The following HEATR1 variants were observed in gnomAD, a reference collection of about 807,000 sequenced individuals.
HEATR1 encodes the protein HEAT repeat containing 1, also known as HEAT repeat-containing protein 1.
HEATR1 carries 77 observed loss-of-function variants against 248.2 expected under a neutral mutation model. That is an observed-to-expected ratio of 0.31 (90% CI 0.26 to 0.37). The LOEUF (loss-of-function observed/expected upper bound fraction) is 0.37, where lower values mean the gene tolerates loss of function less well. HEATR1 is among the 10% of genes least tolerant of loss of function. The pLI is 1.00. For missense variants in HEATR1, 2,420 were observed against 2,504.9 expected (o/e 0.97, Z 0.72); for synonymous variants, 897 against 923.1 (o/e 0.97, Z 0.51).
rs778977647 is a variant in HEATR1, at chr1:236,550,993, A to T, written c.6347-3T>A. Reference sequence around the variant, plus strand: ...ATGTTCTACTTCTTCACATTCATCTAAAAAAAAAAAAAAAAAATCAAAATT... The same window carrying T: ...ATGTTCTACTTCTTCACATTCATCTTAAAAAAAAAAAAAAAAATCAAAATT... On this transcript the variant is annotated splice_region_variant and splice_polypyrimidine_tract_variant and intron_variant, in intron 44 of 44. Coordinates refer to ENST00000366582, the MANE Select transcript of HEATR1 (RefSeq NM_018072.6). 2.3e-4 allele frequency: 141 copies of T among 623,740 alleles called. No homozygotes were observed. Among genetic ancestry groups the T allele is most frequent in the African/African-American group, 6.6e-4 (8 of 12,120 alleles). The allele number at this position is 623,740 out of a possible 1,614,324, so 38.6% of individuals were successfully genotyped here.
intron 8 of HEATR1, 130 bp downstream of exon 8, chr1:236,595,410 T>C (rs376849656): frequency 1.8e-4 from 127 of 708,392 alleles, no homozygotes; most frequent in Middle Eastern, 2.9e-4. Flanking sequence ...ACTTAAGAAA[T>C]AGACAAGTTA....
chr1:236,583,258 A>T, intron 17 of HEATR1, 62 bp from the exon 18 acceptor site: 1 of 1,398,238 alleles, frequency 7.2e-7, no homozygotes, highest in East Asian at 2.3e-5. Flanking sequence ...GGGTTATATG[A>T]ATTCCTCTGC....
rs1465279651 is a variant in HEATR1 at position 236,583,154 on chromosome 1, CTCTG to C, written c.2280_2283del (p.Asp760GlufsTer12). 1.2e-6 allele frequency: 2 copies of C among 1,613,238 alleles called. No individual in the cohort carries two copies. Among genetic ancestry groups the C allele is most frequent in the Non-Finnish European group, 1.7e-6 (2 of 1,179,736 alleles). On this transcript the variant is annotated frameshift_variant, in exon 18 of 45. Coordinates refer to ENST00000366582, the MANE Select transcript of HEATR1 (RefSeq NM_018072.6). LOFTEE classifies it high-confidence loss of function. ...TGTGCCCACAGCTCCACTGGGATCCCTCTGTCTAACATCAGTTCAATGTGCCATT... is the reference window on the plus strand; with the variant it reads ...TGTGCCCACAGCTCCACTGGGATCCCTCTAACATCAGTTCAATGTGCCATT...
intron 12 of HEATR1, 71 bp from the exon 13 acceptor site, chr1:236,588,114 A>T: frequency 1.7e-6 from 2 of 1,192,648 alleles, no homozygotes; most frequent in Non-Finnish European, 2.4e-6. Flanking sequence ...CTAGAAAGGA[A>T]GTATGGTTTT....
intron 18 of HEATR1, 70 bp from the exon 19 acceptor site, chr1:236,582,942 C>CA (rs1444919023): frequency 6.2e-7 from 1 of 1,604,582 alleles, no homozygotes; most frequent in Non-Finnish European, 8.5e-7. Flanking sequence ...TTATTCAAGA[C>CA]AGTCATTGTG....
Position 236,566,740 on chromosome 1 carries a change from G to A in HEATR1, c.4214C>T (p.Thr1405Ile), listed in dbSNP as rs1178856982. The change falls in exon 30 of 45, where the codon ACA (threonine) becomes ATA (isoleucine). Residue 1405 changes from threonine to isoleucine, a missense_variant. Physicochemically the swap from Thr to Ile is moderately conservative, Grantham distance 89 (BLOSUM62 -1). Transcript: ENST00000366582. Reference protein sequence around the residue: ...RLPILVQLVDTLGAEKFLWIL... With the variant: ...RLPILVQLVDILGAEKFLWIL... ...CCAGAGGAATTTCTCTGCACCCAGT[G>A]TATCAACAAGTTGAACAAGGATGGG... is the stretch of plus-strand genomic sequence containing the variant. 1.9e-6 allele frequency: 3 copies of A among 1,614,126 alleles called. No homozygotes were observed. The highest frequency in any genetic ancestry group is 3.3e-5 in the Admixed American group (2 of 60,020).
chr1:236,580,328 T>G lies in HEATR1; in HGVS notation c.2755+894A>C, dbSNP rs544860692. Among the ~76,000 whole-genome samples the G allele has an allele frequency of 5.9e-5, 9 of 152,308 alleles. No homozygotes were observed. In the East Asian group the frequency reaches 1.3e-3, roughly 23 times the overall value. On this transcript the variant is annotated intron_variant, in intron 20 of 44. Transcript: ENST00000366582. ...TTGTTAGCTCATTATTAAATTGTAT[T>G]ATGATGATCTGACTTCCATATCTAA... is the stretch of plus-strand genomic sequence containing the variant.
At chr1:236,563,668 A>T (rs1663196000) in intron 32 of HEATR1, among the ~76,000 whole-genome samples, 1 of 152,228 alleles carries the variant, frequency 6.6e-6, no homozygotes, top group South Asian at 2.1e-4. Context: ...AACGCATTAT[A>T]GGACCTAATG....
chr1:236,596,101 T>C (rs950488851), intron 6 of HEATR1, 57 bp from the exon 7 acceptor site: 13 of 1,262,190 alleles, frequency 1.0e-5, no homozygotes, highest in African/African-American at 7.5e-5. Context: ...TCTGCTACTT[T>C]AAATGTTAAT....
chr1:236,582,125 G>A (rs569927556), intron 19 of HEATR1, among the ~76,000 whole-genome samples: 7 of 151,920 alleles, frequency 4.6e-5, no homozygotes, highest in Non-Finnish European at 1.0e-4. Flanking sequence ...TTTTTTTTGA[G>A]ATGGAGTCTC....
chr1:236,590,230 A>C (rs1401645968), intron 12 of HEATR1, among the ~76,000 whole-genome samples: 3 of 150,010 alleles, frequency 2.0e-5, no homozygotes, highest in African/African-American at 5.1e-5. Flanking sequence ...TCAAAATCAA[A>C]TTTCTCGGTT....
chr1:236,553,833 CATG>C, intron 42 of HEATR1, 94 bp from the exon 43 acceptor site: 2 of 1,341,826 alleles, frequency 1.5e-6, no homozygotes, highest in African/African-American at 1.5e-5. Context: ...TACTATCTTT[CATG>C]ATATTAGCAG....
intron 32 of HEATR1, among the ~76,000 whole-genome samples, chr1:236,562,631 T>G (rs551578500): frequency 9.2e-5 from 14 of 152,336 alleles, no homozygotes; most frequent in African/African-American, 3.1e-4. Context: ...CCCTTACAGT[T>G]TGGTATCAAT....
Position 236,604,142 on chromosome 1 carries a change from G to A in HEATR1, c.-32-15C>T. On this transcript the variant is annotated splice_polypyrimidine_tract_variant and intron_variant, in intron 1 of 44. Transcript: ENST00000366582. ...AATGACACGGGCTAAAAAAACGTAA[G>A]CACTTTGATAAGTTTCTACGAAATT... The A allele has an allele frequency of 6.6e-7, 1 of 1,525,000 alleles. No homozygotes were observed. Among genetic ancestry groups the A allele is most frequent in the Non-Finnish European group, 8.7e-7 (1 of 1,144,176 alleles). 94.5% of individuals were successfully genotyped at this position (1,525,000 alleles called of 1,614,324 possible). A position where few individuals can be genotyped will look rare whatever the true frequency, so the allele number is the denominator to read the frequency against.
In HEATR1 at chr1:236,596,036, T is replaced by C. The variant is rs777871163; in HGVS notation, c.753A>G (p.Lys251=). 15 of 1,597,942 alleles carry C rather than the reference T, an allele frequency of 9.4e-6. No individual in the cohort carries two copies. In the East Asian group the frequency reaches 1.8e-4, roughly 19 times the overall value. ...CAGCTCTGTAATCTGGTAAAGATGA[T>C]TTCAATCCCTAAATATTTTTTAAAT... ...KLFPYIQKGL[K]SSLPDYRAAT... is the part of the protein sequence containing the mutation. The change falls in exon 7 of 45, where the codon AAA becomes AAG. Residue 251 remains lysine (K), a synonymous_variant. Coordinates refer to ENST00000366582, the MANE Select transcript of HEATR1 (RefSeq NM_018072.6).
Position 236,572,506 on chromosome 1 carries a change from C to A in HEATR1, c.3612G>T (p.Trp1204Cys), listed in dbSNP as rs527787716. The change falls in exon 26 of 45, where the codon TGG becomes TGT. Residue 1204 changes from tryptophan (W) to cysteine (C), a missense_variant. Transcript: ENST00000366582. The stretch of plus-strand genomic sequence containing the variant: ...ATTCCAGGATGAGAGTTACTCTTTG[C>A]CAGTAAGAACCTCCAACTTCCTGAA... ...ESVQEVGGSY[W>C]QRVTLILELL... 6.8e-6 allele frequency: 11 copies of A among 1,613,872 alleles called. No individual in the cohort carries two copies. The highest frequency in any genetic ancestry group is 9.3e-6 in the Non-Finnish European group (11 of 1,179,918).
In HEATR1 at chr1:236,576,769, A is replaced by G. The variant is rs755083666; in HGVS notation, c.2925+11T>C. On this transcript the variant is annotated intron_variant, in intron 21 of 44. Transcript: ENST00000366582. Reference sequence around the variant, plus strand: ...ATGAACACACTCAATCTTCTTTGCTAACGAGCTTACCTGAATAACATAGGC... The same window carrying G: ...ATGAACACACTCAATCTTCTTTGCTGACGAGCTTACCTGAATAACATAGGC... 1.4e-5 allele frequency: 22 copies of G among 1,601,950 alleles called. No individual in the cohort carries two copies. The highest frequency in any genetic ancestry group is 1.8e-5 in the Non-Finnish European group (21 of 1,173,920).
chr1:236,602,056 T>C (rs1167415981), intron 3 of HEATR1, among the ~76,000 whole-genome samples: 7 of 151,710 alleles, frequency 4.6e-5, no homozygotes, highest in Admixed American at 3.3e-4. Context: ...GGAGAATTGC[T>C]TGAACCTGGG....
intron 26 of HEATR1, among the ~76,000 whole-genome samples, chr1:236,572,100 T>A (rs1663444643): frequency 6.6e-6 from 1 of 152,088 alleles, no homozygotes; most frequent in South Asian, 2.1e-4. Context: ...TACACACATA[T>A]CTATATCTAT....
Sources: allele counts gnomAD v4.1 joint callset (sites outside exome capture counted in the v4.1 genomes callset), GRCh38; gene constraint gnomAD v4.1.1; transcripts MANE v1.5; gene names NCBI Gene and HGNC (gene_info 2026-07-23, HGNC 2026-07-21).